The following GRN variants were observed in gnomAD, a reference collection of about 807,000 sequenced individuals.
GRN encodes progranulin.
In GRN, 30 loss-of-function variants were observed where a neutral mutation model predicts 66.7. The ratio of observed to expected loss-of-function variants is 0.45; its 90% confidence interval spans 0.34 to 0.61. The LOEUF (loss-of-function observed/expected upper bound fraction) is 0.61. GRN is among the 20% of genes least tolerant of loss of function. The pLI is 0.01. For missense variants in GRN, 731 were observed against 803.5 expected (o/e 0.91, Z 1.09); for synonymous variants, 327 against 311.1 (o/e 1.05, Z -0.54).
rs63750723 is a variant in GRN at position 44,349,219 on chromosome 17, C to T, written c.55C>T (p.Arg19Trp). The change falls in exon 2 of 13, where the codon CGG becomes TGG. Residue 19 changes from arginine to tryptophan, a missense_variant. Physicochemically the swap from Arg to Trp is moderately radical, Grantham distance 101 (BLOSUM62 -3). Coordinates refer to ENST00000053867, the MANE Select transcript of GRN (RefSeq NM_002087.4). ...ALTAGLVAGT[R>W]CPDGQFCPVA... ...AACAGCAGGGCTGGTGGCTGGAACG[C>T]GGTGCCCAGATGGTCAGTTCTGCCC... 3,757 of 1,614,000 alleles carry T rather than the reference C, an allele frequency of 2.3e-3. 73 individuals are homozygous for T. The African/African-American group carries it at 0.043, about 18-fold the overall frequency.
chr17:44,347,392 G>A (rs1024558130), intron 1 of GRN, among the ~76,000 whole-genome samples: 3 of 151,822 alleles, frequency 2.0e-5, no homozygotes, highest in Non-Finnish European at 2.9e-5. Flanking sequence ...GGGCTCAAGC[G>A]ATTCTCCTGC....
At position 44,351,310 on chromosome 17, in the gene GRN, C is replaced by T. The variant is rs892435487; in HGVS notation, c.836-53C>T. 8.7e-5 allele frequency: 133 copies of T among 1,527,854 alleles called. 1 individual carries two copies. Among genetic ancestry groups the T allele is most frequent in the Middle Eastern group, 1.7e-4 (1 of 5,876 alleles). 94.6% of individuals were successfully genotyped at this position (1,527,854 alleles called of 1,614,324 possible). A position where few individuals can be genotyped will look rare whatever the true frequency, so the allele number is the denominator to read the frequency against. On this transcript the variant is annotated intron_variant, in intron 8 of 12. Coordinates refer to ENST00000053867, the MANE Select transcript of GRN (RefSeq NM_002087.4). ...TGTGGAGCCGGCAAAGGGTTGATAC[C>T]CCTGAGGGTCCCCAGTGCCACTTCT...
intron 12 of GRN, 42 bp from the exon 13 acceptor site, chr17:44,352,619 T>C: frequency 6.2e-7 from 1 of 1,610,880 alleles, no homozygotes; most frequent in Non-Finnish European, 8.5e-7. Context: ...AGGGACCAGG[T>C]CCCACCTCGT....
chr17:44,349,918 G>C (rs1278133777), intron 4 of GRN, 167 bp downstream of exon 4: 4 of 655,146 alleles, frequency 6.1e-6, no homozygotes, highest in Non-Finnish European at 1.1e-5. Context: ...CAGCACTGGG[G>C]ATAGGAGGGT....
At position 44,350,271 on chromosome 17, in the gene GRN, C is replaced by G. The variant is rs149180605; in HGVS notation, c.393C>G (p.Phe131Leu). Residue 131 changes from phenylalanine to leucine, a missense_variant, in exon 5 of 13, where the codon TTC (phenylalanine) becomes TTG (leucine). Coordinates refer to ENST00000053867, the MANE Select transcript of GRN (RefSeq NM_002087.4). ...VGAIQCPDSQ[F>L]ECPDFSTCCV... ...CCATCCAGTGCCCTGATAGTCAGTTCGAATGCCCGGACTTCTCCACGTGCT... is the reference window on the plus strand; with the variant it reads ...CCATCCAGTGCCCTGATAGTCAGTTGGAATGCCCGGACTTCTCCACGTGCT... 1.1e-4 allele frequency: 170 copies of G among 1,613,910 alleles called. 1 individual carries two copies. The African/African-American group carries it at 2.1e-3, about 20-fold the overall frequency.
intron 1 of GRN, among the ~76,000 whole-genome samples, chr17:44,346,923 C>G (rs566088718): frequency 1.3e-5 from 2 of 152,106 alleles, no homozygotes; most frequent in Non-Finnish European, 2.9e-5. Flanking sequence ...TGAGACCAGC[C>G]TGACCAACAT....
intron 1 of GRN, among the ~76,000 whole-genome samples, chr17:44,346,618 T>C (rs1209168263): frequency 6.6e-6 from 1 of 152,096 alleles, no homozygotes; most frequent in Non-Finnish European, 1.5e-5. Context: ...CCAGGTCCAA[T>C]ACGCTCTGGG....
chr17:44,349,295 C>A lies in GRN; in HGVS notation c.131C>A (p.Pro44His). Residue 44 changes from proline to histidine, a missense_variant, in exon 2 of 13, where the codon CCC becomes CAC. Physicochemically the swap from Pro to His is moderately conservative, Grantham distance 77. Coordinates refer to ENST00000053867, the MANE Select transcript of GRN (RefSeq NM_002087.4). ...PGGASYSCCR[P>H]LLDKWPTTLS... ...GGAGCCAGCTACAGCTGCTGCCGTC[C>A]CCTTCTGGTGAGTGCCCCTCAGCCT... 1 of 1,613,956 alleles carries A rather than the reference C, an allele frequency of 6.2e-7. No individual in the cohort carries two copies. Among genetic ancestry groups the A allele is most frequent in the Non-Finnish European group, 8.5e-7 (1 of 1,180,038 alleles).
rs572632936 is a variant in GRN at position 44,350,286 on chromosome 17, C to T, written c.408C>T (p.Phe136=). 1.2e-6 allele frequency: 2 copies of T among 1,613,854 alleles called. No individual in the cohort carries two copies. The highest frequency in any genetic ancestry group is 1.3e-5 in the African/African-American group (1 of 74,916). ...CPDSQFECPD[F]STCCVMVDGS... is the part of the protein sequence containing the mutation. ...ATAGTCAGTTCGAATGCCCGGACTT[C>T]TCCACGTGCTGTGTTATGGTCGATG... The change falls in exon 5 of 13, where the codon TTC becomes TTT. Residue 136 remains phenylalanine (F), a synonymous_variant. Coordinates refer to ENST00000053867, the MANE Select transcript of GRN (RefSeq NM_002087.4).
In GRN at chr17:44,349,763, G is replaced by T. The variant is rs367640963; in HGVS notation, c.349+12G>T. On this transcript the variant is annotated intron_variant, in intron 4 of 12. Transcript: ENST00000053867. ...CTTCCAAAGATCAGGTGCAGCTGGG[G>T]TGTGGGTGCAGGGCAGGCAGACGGG... 2.7e-5 allele frequency: 43 copies of T among 1,575,536 alleles called. No homozygotes were observed. In the African/African-American group the frequency reaches 5.4e-4, roughly 20 times the overall value.
At chr17:44,350,109 T>C in intron 4 of GRN, 119 bp from the exon 5 acceptor site, 2 of 791,278 alleles carry the variant, frequency 2.5e-6, no homozygotes, top group Admixed American at 3.5e-5. Context: ...TGAGCCTTAG[T>C]GTCACCCTCA....
At chr17:44,350,658 C>T (rs2048363939) in intron 6 of GRN, 33 bp from the exon 7 acceptor site, 2 of 1,609,816 alleles carry the variant, frequency 1.2e-6, no homozygotes, top group East Asian at 2.2e-5. Context: ...TTTCCTCCAT[C>T]CTGGCTGCCC....
At position 44,349,413 on chromosome 17, in the gene GRN, C is replaced by T. The variant is rs1198810658; in HGVS notation, c.139-13C>T. On this transcript the variant is annotated splice_polypyrimidine_tract_variant and intron_variant, in intron 2 of 12. Transcript: ENST00000053867. The stretch of plus-strand genomic sequence containing the variant: ...CACAAGTCTGTGGTTTATCATTTTC[C>T]CTGTCTTTCTAGGACAAATGGCCCA... The T allele has an allele frequency of 1.1e-5, 17 of 1,614,214 alleles. No individual in the cohort carries two copies. Among genetic ancestry groups the T allele is most frequent in the Non-Finnish European group, 1.4e-5 (16 of 1,180,044 alleles).
Position 44,352,071 on chromosome 17 carries a change from TGAGGGGCAGTGTCAGC to T in GRN, c.1241_1256del (p.Gly414GlufsTer72). The T allele has an allele frequency of 6.2e-7, 1 of 1,613,482 alleles. No individual in the cohort carries two copies. The highest frequency in any genetic ancestry group is 1.7e-5 in the Admixed American group (1 of 60,012). The stretch of plus-strand genomic sequence containing the variant: ...GCCCCCAGGGCTACACGTGTGTAGC[TGAGGGGCAGTGTCAGC>T]GAGGAAGCGAGATCGTGGCTGGACT... On this transcript the variant is annotated frameshift_variant, in exon 11 of 13. Transcript: ENST00000053867. LOFTEE classifies it high-confidence loss of function.
At chr17:44,351,859 G>A in intron 10 of GRN, 64 bp downstream of exon 10, 1 of 1,565,458 alleles carries the variant, frequency 6.4e-7, no homozygotes, top group East Asian at 2.2e-5. Flanking sequence ...ATTGCTTTCT[G>A]CCCTCCGCAT....
chr17:44,349,295 C>T lies in GRN; in HGVS notation c.131C>T (p.Pro44Leu). The change falls in exon 2 of 13, where the codon CCC becomes CTC. Residue 44 changes from proline (P) to leucine (L), a missense_variant. Coordinates refer to ENST00000053867, the MANE Select transcript of GRN (RefSeq NM_002087.4). ...GGAGCCAGCTACAGCTGCTGCCGTC[C>T]CCTTCTGGTGAGTGCCCCTCAGCCT... ...PGGASYSCCR[P>L]LLDKWPTTLS... is the part of the protein sequence containing the mutation. 1 of 1,613,956 alleles carries T rather than the reference C, an allele frequency of 6.2e-7. No individual in the cohort carries two copies. The highest frequency in any genetic ancestry group is 2.2e-5 in the East Asian group (1 of 44,882).
intron 7 of GRN, 56 bp from the exon 8 acceptor site, chr17:44,350,979 GCT>G: frequency 1.3e-6 from 2 of 1,594,268 alleles, no homozygotes; most frequent in Non-Finnish European, 1.7e-6. Flanking sequence ...CAGCCTGGCT[GCT>G]CCCTGTGTGC....
intron 1 of GRN, among the ~76,000 whole-genome samples, chr17:44,348,664 G>T (rs542401095): frequency 3.2e-4 from 48 of 152,316 alleles, no homozygotes; most frequent in African/African-American, 1.1e-3. Flanking sequence ...AGGCCTTAGC[G>T]GGGTGCAGGT....
Position 44,352,350 on chromosome 17 carries a change from T to C in GRN, c.1423T>C (p.Cys475Arg), listed in dbSNP as rs778265623. Residue 475 changes from cysteine to arginine, a missense_variant, in exon 12 of 13, where the codon TGC (cysteine) becomes CGC (arginine). Physicochemically the swap from Cys to Arg is radical, Grantham distance 180 (BLOSUM62 -3). Around this residue, in one of 3 missense-constraint regions of GRN, gnomAD observed 319 missense variants for 347.2 expected, o/e 0.92. Transcript: ENST00000053867. ...CTCCCTTCCCCGCCAGGCTGTGTGC[T>C]GCGAGGATCGCCAGCACTGCTGCCC... ...ACCQLPHAVCCEDRQHCCPAG... is the reference protein window; with the variant it reads ...ACCQLPHAVCREDRQHCCPAG... 6.2e-6 allele frequency: 10 copies of C among 1,613,166 alleles called. No individual in the cohort carries two copies. The highest frequency in any genetic ancestry group is 1.3e-5 in the African/African-American group (1 of 74,930).
Sources: allele counts gnomAD v4.1 joint callset (sites outside exome capture counted in the v4.1 genomes callset), GRCh38; gene constraint gnomAD v4.1.1; regional missense constraint gnomAD v4.1.1; transcripts MANE v1.5; gene names NCBI Gene and HGNC (gene_info 2026-07-23, HGNC 2026-07-21).